Variants in CPS1 observed in about 807,000 individuals in gnomAD.
CPS1 encodes carbamoyl-phosphate synthase 1.
Under a neutral mutation model 174.6 loss-of-function variants are expected in CPS1, and 109 were observed. The ratio of observed to expected loss-of-function variants is 0.62; its 90% CI spans 0.53 to 0.73. The LOEUF is 0.73. Ranked by LOEUF, CPS1 falls within the 30% of genes least tolerant of loss-of-function variation. The pLI is 0.00. For synonymous variants in CPS1, 637 were observed against 632.0 expected (o/e 1.01, Z -0.12); for missense variants, 1,689 against 1,821.9 (o/e 0.93, Z 1.33).
intron 21 of CPS1, among the ~76,000 whole-genome samples, chr2:210,630,451 T>C (rs929906350): frequency 1.8e-4 from 27 of 152,230 alleles, no homozygotes; most frequent in Non-Finnish European, 2.6e-4. Flanking sequence ...AAGTATGCCA[T>C]TTTTTGAAAA....
intron 1 of CPS1, among the ~76,000 whole-genome samples, chr2:210,505,636 T>C (rs1288848303): frequency 6.6e-6 from 1 of 152,118 alleles, no homozygotes; most frequent in Non-Finnish European, 1.5e-5. Context: ...TTCCCTTTCT[T>C]AGCCAGGGAA....
chr2:210,478,207 A>C lies in CPS1; in HGVS notation c.3+441A>C, dbSNP rs201071044. Reference sequence around the variant, plus strand: ...TGGACTAGTTTATATTCCCTCTAACAGTATCTATTGTTCACTCCAAGAGTA... The same window carrying C: ...TGGACTAGTTTATATTCCCTCTAACCGTATCTATTGTTCACTCCAAGAGTA... On this transcript the variant is annotated intron_variant, in intron 1 of 38. Coordinates refer to the CPS1 transcript ENST00000430249. 7.9e-5 allele frequency among the ~76,000 whole-genome samples: 12 copies of C among 152,344 alleles called. No individual in the cohort carries two copies. The East Asian group carries it at 2.1e-3, about 27-fold the overall frequency.
chr2:210,627,697 T>C (rs2105882726), intron 21 of CPS1, among the ~76,000 whole-genome samples: 1 of 152,276 alleles, frequency 6.6e-6, no homozygotes, highest in Non-Finnish European at 1.5e-5. Context: ...CAGGGAGTCG[T>C]AAGTATGGTG....
chr2:210,551,441 G>C (rs1181367849), intron 1 of CPS1, among the ~76,000 whole-genome samples: 1 of 151,926 alleles, frequency 6.6e-6, no homozygotes, highest in African/African-American at 2.4e-5. Context: ...ATGTCTACTT[G>C]GTCTGGGAGT....
In CPS1 at chr2:210,572,411, A is replaced by C. The variant is rs180749662; in HGVS notation, c.127-887A>C. On this transcript the variant is annotated intron_variant, in intron 1 of 37. Transcript: ENST00000233072. ...TTAGAGAATCTGTATTTTGTCTCCT[A>C]AGGTGTAGTTGAAAACATTTCTCTC... Among the ~76,000 whole-genome samples the C allele has an allele frequency of 1.2e-3, 185 of 152,138 alleles. 5 individuals are homozygous for C. The South Asian group carries it at 0.037, about 30-fold the overall frequency.
At chr2:210,524,352 AT>A (rs1290597430) in intron 1 of CPS1, among the ~76,000 whole-genome samples, 1 of 152,040 alleles carries the variant, frequency 6.6e-6, no homozygotes, top group Non-Finnish European at 1.5e-5. Context: ...AAGGTATTAA[AT>A]TAACTTAACT....
At chr2:210,677,254 G>A in intron 37 of CPS1, 118 bp downstream of exon 37, 4 of 1,075,208 alleles carry the variant, frequency 3.7e-6, no homozygotes, top group East Asian at 4.7e-5. Flanking sequence ...TCAGAATAGA[G>A]AGGAATTTTT....
At chr2:210,557,057 T>G (rs1696935761) in intron 1 of CPS1, among the ~76,000 whole-genome samples, 198 bp downstream of exon 1, 1 of 152,090 alleles carries the variant, frequency 6.6e-6, no homozygotes. Flanking sequence ...GACAGTAATT[T>G]TTACCCAACA....
intron 1 of CPS1, among the ~76,000 whole-genome samples, chr2:210,546,024 A>T (rs562331446): frequency 6.1e-4 from 93 of 152,036 alleles, no homozygotes; most frequent in Non-Finnish European, 1.0e-3. Context: ...TTAGATTTTT[A>T]GTTCTTTTTG....
At chr2:210,640,916 T>G (rs904684146) in intron 24 of CPS1, among the ~76,000 whole-genome samples, 2 of 152,200 alleles carry the variant, frequency 1.3e-5, no homozygotes, top group African/African-American at 4.8e-5. Flanking sequence ...TACCTGAGAT[T>G]GGGTAATTTA....
chr2:210,652,636 A>C (rs1184796052), intron 28 of CPS1, among the ~76,000 whole-genome samples: 2 of 152,100 alleles, frequency 1.3e-5, no homozygotes, highest in Admixed American at 6.6e-5. Flanking sequence ...GTATAGAGGG[A>C]GGAATTATAT....
At chr2:210,654,531 A>G (rs1700650523) in intron 29 of CPS1, among the ~76,000 whole-genome samples, 1 of 152,180 alleles carries the variant, frequency 6.6e-6, no homozygotes, top group Non-Finnish European at 1.5e-5. Context: ...TAATAAAGGC[A>G]AAGTCAAACA....
chr2:210,673,251 T>G (rs1010632874), intron 34 of CPS1: 1 of 152,240 alleles, frequency 6.6e-6, no homozygotes, highest in African/African-American at 2.4e-5. Flanking sequence ...ATACGCCAGC[T>G]CAGTTACTCA....
intron 7 of CPS1, among the ~76,000 whole-genome samples, 187 bp from the exon 8 acceptor site, chr2:210,589,919 C>G (rs912629944): frequency 6.6e-6 from 1 of 151,818 alleles, no homozygotes; most frequent in African/African-American, 2.4e-5. Flanking sequence ...TCCCTATGTG[C>G]TAGGATCACC....
intron 20 of CPS1, among the ~76,000 whole-genome samples, chr2:210,612,999 C>T (rs1288132898): frequency 1.3e-5 from 2 of 151,948 alleles, no homozygotes; most frequent in South Asian, 2.1e-4. Flanking sequence ...TCTGTCTGGT[C>T]AGAAATCCCT....
Position 210,618,657 on chromosome 2 carries a change from C to T in CPS1, c.2687+2116C>T, listed in dbSNP as rs368936000. 4 of 152,028 alleles carry T rather than the reference C, an allele frequency of 2.6e-5. No homozygotes were observed. In the East Asian group the frequency reaches 5.8e-4, roughly 22 times the overall value. The allele number at this position is 152,028 out of a possible 1,614,324, so 9.4% of individuals were successfully genotyped here. A position where few individuals can be genotyped will look rare whatever the true frequency, so the allele number is the denominator to read the frequency against. On this transcript the variant is annotated intron_variant, in intron 21 of 37. Transcript: ENST00000233072. Reference sequence around the variant, plus strand: ...TACCTGTCTCCATCATTTTGTGGCACATAGGGGTCTGAAGTTGAAAGAATA... The same window carrying T: ...TACCTGTCTCCATCATTTTGTGGCATATAGGGGTCTGAAGTTGAAAGAATA...
At chr2:210,639,574 T>C (rs1169708088) in intron 23 of CPS1, among the ~76,000 whole-genome samples, 1 of 127,110 alleles carries the variant, frequency 7.9e-6, no homozygotes, top group Non-Finnish European at 1.5e-5. Flanking sequence ...ATTGCGCCAC[T>C]GCAGTCCGCA....
intron 16 of CPS1, among the ~76,000 whole-genome samples, chr2:210,603,717 A>G (rs565796225): frequency 6.6e-6 from 1 of 151,778 alleles, no homozygotes; most frequent in Non-Finnish European, 1.5e-5. Context: ...AATTATTTAT[A>G]TTGTACTCAA....
chr2:210,535,819 G>GTTTTTTTTTT (rs67369344), intron 1 of CPS1, among the ~76,000 whole-genome samples: 2 of 118,212 alleles, frequency 1.7e-5, no homozygotes, highest in African/African-American at 3.1e-5. Flanking sequence ...CTTTTTCCTT[G>GTTTTTTTTTT]TTTTTTTTTT....
Sources: gnomAD v4.1 joint callset for allele counts (sites outside exome capture counted in the v4.1 genomes callset) on GRCh38, gnomAD v4.1.1 for gene constraint, MANE v1.5 for transcripts, NCBI Gene and HGNC (gene_info 2026-07-23, HGNC 2026-07-21) for gene names.